ABHD12: variants seen among roughly 807,000 people sequenced by gnomAD.
ABHD12 encodes the protein abhydrolase domain containing 12, lysophospholipase, also known as lysophosphatidylserine lipase ABHD12.
A neutral mutation model predicts 58.3 loss-of-function variants in ABHD12; 43 were observed. The ratio of observed to expected loss-of-function variants is 0.74; its 90% confidence interval spans 0.58 to 0.95. ABHD12 has a LOEUF of 0.95. ABHD12 is among the 40% of genes least tolerant of loss of function. The pLI is 0.00. For synonymous variants in ABHD12, 219 were observed against 211.2 expected, an observed-to-expected ratio of 1.04 and a Z score of -0.32; for missense variants, 539 against 537.2, an observed-to-expected ratio of 1.00 and a Z score of -0.03.
chr20:25,310,164 A>T (rs1600773240), intron 6 of ABHD12: 1 of 154,430 alleles, frequency 6.5e-6, no homozygotes, highest in East Asian at 1.9e-4. Context: ...GCGTGGTCAG[A>T]TGAGCAGCCC....
intron 1 of ABHD12, among the ~76,000 whole-genome samples, chr20:25,389,254 T>C (rs563458040): frequency 1.0e-3 from 156 of 152,336 alleles, no homozygotes; most frequent in Non-Finnish European, 1.8e-3. Context: ...ACAAAAGATA[T>C]TGATCAGATG....
chr20:25,314,457 C>T (rs1256057173), intron 6 of ABHD12, among the ~76,000 whole-genome samples: 2 of 151,998 alleles, frequency 1.3e-5, no homozygotes, highest in Non-Finnish European at 2.9e-5. Context: ...GCAGGAGGAT[C>T]GCTTGAGGCC....
At chr20:25,299,904 T>G (rs1449033947), downstream of ABHD12, among the ~76,000 whole-genome samples, 1 of 152,128 alleles carries the variant, frequency 6.6e-6, no homozygotes, top group Non-Finnish European at 1.5e-5. Context: ...GTAGGAAAAG[T>G]GTTTTGTAGA....
intron 6 of ABHD12, among the ~76,000 whole-genome samples, chr20:25,313,445 C>T (rs570885058): frequency 3.7e-5 from 3 of 80,600 alleles, no homozygotes; most frequent in East Asian, 3.0e-4. Flanking sequence ...ACAAACACTG[C>T]GGAAGGCCGC....
At chr20:25,308,170 C>T (rs1410526056) in intron 8 of ABHD12, 125 bp from the exon 9 acceptor site, 1 of 793,034 alleles carries the variant, frequency 1.3e-6, no homozygotes, top group Non-Finnish European at 2.2e-6. Context: ...AGGCAACCAC[C>T]TCGGCAGGCC....
At chr20:25,303,913 G>A (rs187754355) in intron 10 of ABHD12, among the ~76,000 whole-genome samples, 10 of 152,248 alleles carry the variant, frequency 6.6e-5, no homozygotes, top group Admixed American at 3.9e-4. Flanking sequence ...ATTTTTAAGC[G>A]GAATAATTCA....
At chr20:25,335,967 T>TA (rs143896972) in intron 2 of ABHD12, among the ~76,000 whole-genome samples, 11,093 of 145,610 alleles carry the variant, frequency 0.076, 548 homozygotes, top group African/African-American at 0.15. Flanking sequence ...TAATAATAAA[T>TA]AAAAAAAAAA....
At chr20:25,344,921 G>C (rs1249433804) in intron 1 of ABHD12, among the ~76,000 whole-genome samples, 1 of 152,172 alleles carries the variant, frequency 6.6e-6, no homozygotes, top group African/African-American at 2.4e-5. Context: ...AAATGGTGCT[G>C]TAACAACTGT....
At chr20:25,302,169 G>C (rs200023360) in intron 12 of ABHD12, 50 bp downstream of exon 12, 7 of 1,611,474 alleles carry the variant, frequency 4.3e-6, no homozygotes, top group Non-Finnish European at 5.9e-6. Flanking sequence ...CGTTAGGTGT[G>C]AGCCAGTGCT....
chr20:25,365,418 C>A (rs904262807), intron 1 of ABHD12, among the ~76,000 whole-genome samples: 4 of 152,108 alleles, frequency 2.6e-5, no homozygotes, highest in Non-Finnish European at 5.9e-5. Flanking sequence ...CAAGAAATTT[C>A]TCCACATCAA....
chr20:25,314,890 A>C (rs757040910), intron 6 of ABHD12, 35 bp downstream of exon 6: 2 of 1,612,772 alleles, frequency 1.2e-6, no homozygotes, highest in East Asian at 4.5e-5. Flanking sequence ...AAGCAGTGGA[A>C]TTGTGCTCAG....
chr20:25,362,724 G>C (rs774725033), intron 1 of ABHD12, among the ~76,000 whole-genome samples: 1 of 151,470 alleles, frequency 6.6e-6, no homozygotes, highest in Non-Finnish European at 1.5e-5. Context: ...GCCCAGGCTA[G>C]AGTGCAATGG....
intron 1 of ABHD12, among the ~76,000 whole-genome samples, chr20:25,352,992 A>G (rs1311758347): frequency 6.6e-6 from 1 of 152,234 alleles, no homozygotes; most frequent in Non-Finnish European, 1.5e-5. Context: ...AGCCTGGGCA[A>G]GAGTGAGACT....
At chr20:25,376,016 G>A (rs1414395976) in intron 1 of ABHD12, among the ~76,000 whole-genome samples, 1 of 152,088 alleles carries the variant, frequency 6.6e-6, no homozygotes, top group African/African-American at 2.4e-5. Flanking sequence ...CCAGCCACTT[G>A]GGAGGCTGAG....
chr20:25,300,867 G>A lies in ABHD12; in HGVS notation c.1175C>T (p.Ser392Leu), dbSNP rs779918381. 4.5e-5 allele frequency: 72 copies of A among 1,613,856 alleles called. No homozygotes were observed. In the Middle Eastern group the frequency reaches 8.2e-4, roughly 18 times the overall value. ...PRILREFLGK[S>L]EPEHQH is the part of the protein sequence containing the mutation. ...GGCTCAGTGCTGGTGCTCAGGCTCC[G>A]ACTTCCCCAGGAATTCCCTAGACCA... is the stretch of plus-strand genomic sequence containing the variant. Residue 392 changes from serine (S) to leucine (L), a missense_variant, in exon 13 of 13, where the codon TCG becomes TTG. Coordinates refer to ENST00000339157, the MANE Select transcript of ABHD12 (RefSeq NM_001042472.3).
At chr20:25,355,171 A>G (rs1408520989) in intron 1 of ABHD12, among the ~76,000 whole-genome samples, 1 of 152,158 alleles carries the variant, frequency 6.6e-6, no homozygotes, top group African/African-American at 2.4e-5. Flanking sequence ...CACATCATGC[A>G]TGTACACAAC....
downstream of ABHD12, chr20:25,297,623 C>T (rs964474383): frequency 2.0e-5 from 3 of 152,380 alleles, no homozygotes; most frequent in Non-Finnish European, 4.4e-5. Flanking sequence ...TGCCCCTCCC[C>T]AAGGCTGGCA....
At position 25,300,777 on chromosome 20, in the gene ABHD12, C is replaced by G. The variant is rs2088620873; in HGVS notation, c.*68G>C. 1.2e-6 allele frequency: 2 copies of G among 1,612,834 alleles called. No homozygotes were observed. The highest frequency in any genetic ancestry group is 1.7e-6 in the Non-Finnish European group (2 of 1,179,604). The stretch of plus-strand genomic sequence containing the variant: ...GCCGGCCCCCCGGGGCTTCAGGATA[C>G]CGGGCTGCTGACTGGAGGAAAACGG... On this transcript the variant is annotated 3_prime_UTR_variant, in exon 13 of 13. Coordinates refer to ENST00000339157, the MANE Select transcript of ABHD12 (RefSeq NM_001042472.3).
intron 1 of ABHD12, among the ~76,000 whole-genome samples, chr20:25,384,333 GTTTTT>G (rs557779532): frequency 6.9e-6 from 1 of 145,118 alleles, no homozygotes; most frequent in East Asian, 2.0e-4. Context: ...CTGGTTTGGG[GTTTTT>G]TTTTTAACCT....
Sources: gnomAD v4.1 joint callset for allele counts (sites outside exome capture counted in the v4.1 genomes callset) on GRCh38, gnomAD v4.1.1 for gene constraint, MANE v1.5 for transcripts, NCBI Gene and HGNC (gene_info 2026-07-23, HGNC 2026-07-21) for gene names.